SNX29: variants seen among roughly 807,000 people sequenced by gnomAD.
SNX29 encodes the protein sorting nexin-29.
SNX29 carries 78 observed loss-of-function variants against 102.1 expected under a neutral mutation model. That is an observed-to-expected ratio of 0.76 (90% CI 0.64 to 0.92). SNX29 has a LOEUF of 0.92. Among genes scored for constraint, SNX29 ranks in the 40% least tolerant of loss-of-function variants. The pLI is 0.00. For missense variants in SNX29, 1,280 were observed against 1,061.7 expected (o/e 1.21, Z -2.86); for synonymous variants, 580 against 414.5 (o/e 1.40, Z -4.85).
At chr16:12,546,948 C>T (rs1027774077) in intron 20 of SNX29, among the ~76,000 whole-genome samples, 1 of 152,146 alleles carries the variant, frequency 6.6e-6, no homozygotes, top group Admixed American at 6.5e-5. Flanking sequence ...AAAATAAATT[C>T]CCCACCCCTC....
intron 13 of SNX29, among the ~76,000 whole-genome samples, chr16:12,153,473 CAAAA>C (rs1465398067): frequency 1.4e-5 from 2 of 143,958 alleles, no homozygotes; most frequent in African/African-American, 2.6e-5. Context: ...AAAAAAAAAA[CAAAA>C]AACAAAAAAC....
intron 20 of SNX29, among the ~76,000 whole-genome samples, chr16:12,543,077 C>T (rs1432385722): frequency 6.6e-6 from 1 of 152,206 alleles, no homozygotes; most frequent in Admixed American, 6.5e-5. Context: ...CACCCTCAAG[C>T]ATGTTCTGTC....
intron 19 of SNX29, among the ~76,000 whole-genome samples, chr16:12,495,335 A>G (rs1417519219): frequency 1.3e-5 from 2 of 151,970 alleles, no homozygotes; most frequent in African/African-American, 2.4e-5. Context: ...TATTTTTAGT[A>G]GAGACAGGGT....
At chr16:12,360,501 T>C (rs2082270493) in intron 16 of SNX29, among the ~76,000 whole-genome samples, 1 of 152,208 alleles carries the variant, frequency 6.6e-6, no homozygotes, top group African/African-American at 2.4e-5. Context: ...GTTTGGTTTT[T>C]TGCCCCAACG....
intron 19 of SNX29, among the ~76,000 whole-genome samples, chr16:12,492,527 T>C (rs913288892): frequency 6.6e-5 from 10 of 152,114 alleles, no homozygotes; most frequent in Non-Finnish European, 1.0e-4. Flanking sequence ...AGAAGCTCTT[T>C]AGTTTAATTA....
chr16:12,275,003 C>A (rs548511569), intron 14 of SNX29, among the ~76,000 whole-genome samples: 1 of 152,294 alleles, frequency 6.6e-6, no homozygotes, highest in Non-Finnish European at 1.5e-5. Context: ...GTCTCTCTTT[C>A]CTGCAAGTTG....
chr16:12,028,538 A>C (rs2151121750), intron 4 of SNX29, among the ~76,000 whole-genome samples: 1 of 151,728 alleles, frequency 6.6e-6, no homozygotes. Flanking sequence ...TGGTTTTTAA[A>C]CTTTTATAGA....
At chr16:12,545,209 G>C (rs1462854299) in intron 20 of SNX29, among the ~76,000 whole-genome samples, 1 of 152,210 alleles carries the variant, frequency 6.6e-6, no homozygotes, top group Non-Finnish European at 1.5e-5. Context: ...AGGAAGGGGT[G>C]GGGCAGGCAA....
At chr16:12,065,187 G>T (rs1399954797) in intron 9 of SNX29, among the ~76,000 whole-genome samples, 1 of 152,134 alleles carries the variant, frequency 6.6e-6, no homozygotes, top group Non-Finnish European at 1.5e-5. Context: ...ATTCACAGAA[G>T]GGGACAGCAC....
intron 19 of SNX29, among the ~76,000 whole-genome samples, chr16:12,506,540 C>T (rs571293750): frequency 1.7e-4 from 26 of 152,278 alleles, no homozygotes; most frequent in South Asian, 1.5e-3. Flanking sequence ...AGGCACCTCA[C>T]GTGATACGGA....
At chr16:12,564,922 G>A (rs1459196643) in intron 20 of SNX29, among the ~76,000 whole-genome samples, 18 of 101,722 alleles carry the variant, frequency 1.8e-4, no homozygotes, top group Non-Finnish European at 3.7e-4. Context: ...GGACTGGAGG[G>A]AACCTTGGTG....
intron 16 of SNX29, among the ~76,000 whole-genome samples, chr16:12,397,151 C>G (rs1567521324): frequency 6.6e-6 from 1 of 152,214 alleles, no homozygotes; most frequent in Non-Finnish European, 1.5e-5. Flanking sequence ...CCTTGACCTC[C>G]CAAAGTGCTG....
intron 11 of SNX29, among the ~76,000 whole-genome samples, chr16:12,082,205 A>AT (rs879898994): frequency 1.0e-3 from 147 of 144,222 alleles, no homozygotes; most frequent in Admixed American, 2.7e-3. Context: ...ATTTATGGGC[A>AT]TTTTTTTTTT....
At chr16:12,561,507 T>A (rs553151270) in intron 20 of SNX29, among the ~76,000 whole-genome samples, 1 of 151,894 alleles carries the variant, frequency 6.6e-6, no homozygotes, top group Non-Finnish European at 1.5e-5. Context: ...AGATCACAGG[T>A]GAAACAAAGT....
intron 11 of SNX29, among the ~76,000 whole-genome samples, chr16:12,110,137 G>T (rs751925473): frequency 5.3e-5 from 8 of 152,130 alleles, no homozygotes; most frequent in African/African-American, 1.9e-4. Context: ...CTGAGCTTGC[G>T]GGGAGGTGTT....
In SNX29 at chr16:12,542,264, T is replaced by G. The variant is rs560784070; in HGVS notation, c.2318+17423T>G. ...TTATTCCCTTTATAGATGAGGAAAT[T>G]GAGGCATGGAGAAATGGAGGAACTT... On this transcript the variant is annotated intron_variant, in intron 20 of 20. Coordinates refer to ENST00000566228, the MANE Select transcript of SNX29 (RefSeq NM_032167.5). Among the ~76,000 whole-genome samples the G allele has an allele frequency of 7.5e-4, 89 of 118,504 alleles. 1 individual carries two copies. The highest frequency in any genetic ancestry group is 2.2e-3 in the African/African-American group (82 of 37,482). The allele number at this position is 118,504 out of a possible 152,430, so 77.7% of individuals were successfully genotyped here.
At chr16:11,977,264 G>A (rs1369989511) in intron 1 of SNX29, among the ~76,000 whole-genome samples, 1 of 152,070 alleles carries the variant, frequency 6.6e-6, no homozygotes, top group African/African-American at 2.4e-5. Flanking sequence ...CACAGGCATA[G>A]TCTTTCTGGA....
chr16:12,260,610 C>T (rs1201232372), intron 14 of SNX29, among the ~76,000 whole-genome samples: 1 of 125,770 alleles, frequency 8.0e-6, no homozygotes, highest in African/African-American at 3.0e-5. Flanking sequence ...GTGCGTTCCA[C>T]CTTCTCCGTC....
At chr16:12,514,963 CT>C (rs2089800584) in intron 19 of SNX29, among the ~76,000 whole-genome samples, 1 of 151,986 alleles carries the variant, frequency 6.6e-6, no homozygotes, top group African/African-American at 2.4e-5. Context: ...AAAAAAGCCC[CT>C]CTCTCGATGG....
Sources: gnomAD v4.1 joint callset for allele counts (sites outside exome capture counted in the v4.1 genomes callset) on GRCh38, gnomAD v4.1.1 for gene constraint, MANE v1.5 for transcripts, NCBI Gene and HGNC (gene_info 2026-07-23, HGNC 2026-07-21) for gene names.